Variants in LRP1B observed in about 807,000 individuals in gnomAD.
LRP1B encodes low-density lipoprotein receptor-related protein 1B.
In LRP1B, 217 loss-of-function variants were observed where a neutral mutation model predicts 556.6. The observed-to-expected ratio is 0.39, with a 90% confidence interval of 0.35 to 0.44. The LOEUF is 0.44. Among genes scored for constraint, LRP1B ranks in the 20% least tolerant of loss-of-function variants. The pLI is 1.00. For synonymous variants in LRP1B, 2,047 were observed against 1,865.8 expected (o/e 1.10, Z -2.50); for missense variants, 5,053 against 5,620.8 (o/e 0.90, Z 3.23).
At chr2:141,085,808 A>T (rs571235155) in intron 7 of LRP1B, among the ~76,000 whole-genome samples, 1 of 152,224 alleles carries the variant, frequency 6.6e-6, no homozygotes, top group African/African-American at 2.4e-5. Flanking sequence ...TTTTAATTCA[A>T]GTTTTAATGA....
intron 1 of LRP1B, among the ~76,000 whole-genome samples, chr2:141,822,832 A>G (rs1192625737): frequency 6.6e-6 from 1 of 152,196 alleles, no homozygotes; most frequent in East Asian, 1.9e-4. Flanking sequence ...GTCTCCACCT[A>G]CAAGCTGCGG....
rs191838478 is a variant in LRP1B at position 141,381,740 on chromosome 2, C to T, written c.343+98656G>A. Reference sequence around the variant, plus strand: ...CCTGAAGGGAGTAGGATAATATACTCAGAGTCCTGGAAAACAAAACAAAAC... The same window carrying T: ...CCTGAAGGGAGTAGGATAATATACTTAGAGTCCTGGAAAACAAAACAAAAC... On this transcript the variant is annotated intron_variant, in intron 3 of 90. Transcript: ENST00000389484. 5.8e-3 allele frequency among the ~76,000 whole-genome samples: 881 copies of T among 152,214 alleles called. 3 individuals carry two copies. Among genetic ancestry groups the T allele is most frequent in the Admixed American group, 0.011 (172 of 15,280 alleles).
At chr2:140,284,214 A>C (rs1477136238) in intron 84 of LRP1B, among the ~76,000 whole-genome samples, 1 of 151,708 alleles carries the variant, frequency 6.6e-6, no homozygotes, top group African/African-American at 2.4e-5. Flanking sequence ...CAGAGTGCTT[A>C]AATTCTGATA....
rs910631979 is a variant in LRP1B, at chr2:140,544,620, A to G, written c.7195-2649T>C. On this transcript the variant is annotated intron_variant, in intron 43 of 90. Coordinates refer to ENST00000389484, the MANE Select transcript of LRP1B (RefSeq NM_018557.3). ...TAGTTTGCTAAAGATAATGTCCTCT[A>G]GCTCCATCCATATTTCTACAAAGGA... Among the ~76,000 whole-genome samples the G allele has an allele frequency of 7.9e-5, 12 of 152,032 alleles. 1 individual carries two copies. Among genetic ancestry groups the G allele is most frequent in the Admixed American group, 2.6e-4 (4 of 15,224 alleles).
At chr2:141,784,717 T>A (rs1160823480) in intron 2 of LRP1B, among the ~76,000 whole-genome samples, 1 of 151,934 alleles carries the variant, frequency 6.6e-6, no homozygotes, top group African/African-American at 2.4e-5. Context: ...GTGCATTATA[T>A]AATAAGCAAT....
At chr2:140,370,573 A>G (rs1415878257) in intron 71 of LRP1B, 137 bp downstream of exon 71, 2 of 1,193,778 alleles carry the variant, frequency 1.7e-6, no homozygotes, top group African/African-American at 3.1e-5. Context: ...CCAGGCTGCT[A>G]TGTAATGAAA....
chr2:141,257,164 T>C (rs548740627), intron 3 of LRP1B, among the ~76,000 whole-genome samples: 1 of 151,964 alleles, frequency 6.6e-6, no homozygotes. Context: ...TAGGATCGAT[T>C]GAGGGTGTTA....
At chr2:140,862,065 C>T (rs1351963759) in intron 27 of LRP1B, among the ~76,000 whole-genome samples, 2 of 152,132 alleles carry the variant, frequency 1.3e-5, no homozygotes, top group Non-Finnish European at 2.9e-5. Flanking sequence ...CTTCAATCTA[C>T]AATTGAATAA....
chr2:141,843,179 C>T (rs1020473659), intron 1 of LRP1B, among the ~76,000 whole-genome samples: 3 of 151,898 alleles, frequency 2.0e-5, no homozygotes, highest in African/African-American at 7.3e-5. Flanking sequence ...CATATTTTGG[C>T]TATATTTATA....
chr2:141,152,382 A>G (rs571742386), intron 7 of LRP1B, among the ~76,000 whole-genome samples: 1 of 152,006 alleles, frequency 6.6e-6, no homozygotes, highest in Non-Finnish European at 1.5e-5. Context: ...GAGGACAGCT[A>G]ATAAGTAATG....
rs141545221 is a variant in LRP1B at position 141,707,686 on chromosome 2, C to A, written c.205+102593G>T. On this transcript the variant is annotated intron_variant, in intron 2 of 90. Coordinates refer to ENST00000389484, the MANE Select transcript of LRP1B (RefSeq NM_018557.3). ...CCACGTGTCAAGCACTTTGTTATAT[C>A]CTGCAGAGGCAGAAATAAACTGACT... 3.9e-5 allele frequency among the ~76,000 whole-genome samples: 6 copies of A among 152,242 alleles called. No individual in the cohort carries two copies. The East Asian group carries it at 1.2e-3, about 30-fold the overall frequency.
intron 32 of LRP1B, among the ~76,000 whole-genome samples, chr2:140,797,335 G>T (rs577084968): frequency 6.6e-6 from 1 of 151,810 alleles, no homozygotes; most frequent in African/African-American, 2.4e-5. Context: ...AATAATTCAC[G>T]CTTTAATTTT....
intron 11 of LRP1B, among the ~76,000 whole-genome samples, chr2:141,031,846 A>AT (rs150623503): frequency 0.026 from 3,938 of 151,886 alleles, 74 homozygotes; most frequent in Non-Finnish European, 0.032. Context: ...GAAAATGTAG[A>AT]TTTTTTTTAA....
intron 18 of LRP1B, among the ~76,000 whole-genome samples, chr2:140,960,909 A>G (rs965159478): frequency 3.3e-5 from 5 of 151,980 alleles, no homozygotes; most frequent in Non-Finnish European, 7.4e-5. Context: ...GTAAACCAAT[A>G]TTTTAAATGA....
At chr2:142,066,275 A>G (rs1705104609) in intron 1 of LRP1B, among the ~76,000 whole-genome samples, 1 of 65,044 alleles carries the variant, frequency 1.5e-5, no homozygotes, top group Non-Finnish European at 3.9e-5. Context: ...CATTAAGTCC[A>G]GTTTTTTGTT....
intron 1 of LRP1B, among the ~76,000 whole-genome samples, chr2:141,852,729 G>GCA (rs1250168462): frequency 1.3e-5 from 2 of 151,560 alleles, no homozygotes; most frequent in African/African-American, 4.8e-5. Flanking sequence ...CAGCTAGCTA[G>GCA]CAAGCCATGA....
At chr2:140,447,605 A>G (rs1686716900) in intron 63 of LRP1B, among the ~76,000 whole-genome samples, 1 of 152,124 alleles carries the variant, frequency 6.6e-6, no homozygotes, top group African/African-American at 2.4e-5. Context: ...CACATTAGCA[A>G]GAAGGCATCT....
intron 2 of LRP1B, among the ~76,000 whole-genome samples, chr2:141,545,306 C>T (rs1407394931): frequency 6.6e-6 from 1 of 152,132 alleles, no homozygotes; most frequent in African/African-American, 2.4e-5. Context: ...TAAGCACTTC[C>T]ACACTGTTGT....
At chr2:140,803,730 T>C (rs1282875025) in intron 32 of LRP1B, among the ~76,000 whole-genome samples, 1 of 152,176 alleles carries the variant, frequency 6.6e-6, no homozygotes, top group African/African-American at 2.4e-5. Context: ...TCTAGGTTTC[T>C]GTAGATCATA....
Sources: gnomAD v4.1 joint callset for allele counts (sites outside exome capture counted in the v4.1 genomes callset) on GRCh38, gnomAD v4.1.1 for gene constraint, MANE v1.5 for transcripts, NCBI Gene and HGNC (gene_info 2026-07-23, HGNC 2026-07-21) for gene names.